MYO3B: variants seen among roughly 807,000 people sequenced by gnomAD.
MYO3B encodes the protein myosin IIIB.
In MYO3B, 156 loss-of-function variants were observed where a neutral mutation model predicts 174.6. The observed-to-expected ratio is 0.89, with a 90% CI of 0.78 to 1.02. MYO3B has a LOEUF of 1.02. Ranked by LOEUF, MYO3B falls within the 50% of genes least tolerant of loss-of-function variation. The pLI is 0.00. For synonymous variants in MYO3B, 563 were observed against 569.1 expected (o/e 0.99, Z 0.15); for missense variants, 1,632 against 1,639.4 (o/e 1.00, Z 0.08).
At chr2:170,228,960 CAA>C (rs539746576) in intron 6 of MYO3B, among the ~76,000 whole-genome samples, 29,637 of 97,746 alleles carry the variant, frequency 0.3, 1,787 homozygotes, top group South Asian at 0.45. Flanking sequence ...ATTCCCTTTA[CAA>C]AAAAAAAAAA....
At chr2:170,433,505 GTTC>G (rs777877605) in intron 22 of MYO3B, among the ~76,000 whole-genome samples, 2 of 152,230 alleles carry the variant, frequency 1.3e-5, no homozygotes, top group Admixed American at 1.3e-4. Context: ...CTGGGCAAGT[GTTC>G]TTCTGAGAAT....
At chr2:170,591,565 A>G (rs72881895) in intron 32 of MYO3B, among the ~76,000 whole-genome samples, 14,275 of 150,010 alleles carry the variant, frequency 0.095, 942 homozygotes, top group Non-Finnish European at 0.13. Context: ...GGGAGGGTGC[A>G]GCAGAGCAGG....
chr2:170,548,665 C>A (rs1690693693), intron 32 of MYO3B, among the ~76,000 whole-genome samples: 1 of 152,112 alleles, frequency 6.6e-6, no homozygotes, highest in African/African-American at 2.4e-5. Flanking sequence ...TCTCTCAAAC[C>A]TAAAATTACC....
intron 7 of MYO3B, among the ~76,000 whole-genome samples, chr2:170,256,824 A>G (rs2093308687): frequency 6.6e-6 from 1 of 152,156 alleles, no homozygotes; most frequent in South Asian, 2.1e-4. Flanking sequence ...GTTGAATAAT[A>G]AAACAAGACC....
At chr2:170,619,896 G>A (rs564942366) in intron 32 of MYO3B, among the ~76,000 whole-genome samples, 6 of 151,430 alleles carry the variant, frequency 4.0e-5, no homozygotes, top group East Asian at 1.9e-4. Context: ...ACAGGCATGC[G>A]CCACCATGCC....
At position 170,466,520 on chromosome 2, in the gene MYO3B, C is replaced by T; in HGVS notation, c.2823C>T (p.Asp941=). 6.2e-7 allele frequency: 1 copy of T among 1,614,108 alleles called. No homozygotes were observed. The highest frequency in any genetic ancestry group is 8.5e-7 in the Non-Finnish European group (1 of 1,180,026). ...VASYFRYSLM[D]LLSKMVVGQP... ...CTCCCTGGTAGTATTCTCTGATGGACCTGCTCTCCAAAATGGTGGTTGGAC... is the reference window on the plus strand; with the variant it reads ...CTCCCTGGTAGTATTCTCTGATGGATCTGCTCTCCAAAATGGTGGTTGGAC... Residue 941 remains aspartate, a synonymous_variant, in exon 25 of 35, where the codon GAC becomes GAT. Coordinates refer to ENST00000408978, the MANE Select transcript of MYO3B (RefSeq NM_138995.5).
Position 170,539,627 on chromosome 2 carries a change from T to A in MYO3B, c.3576-3279T>A, listed in dbSNP as rs35618502. 8.5e-3 allele frequency among the ~76,000 whole-genome samples: 714 copies of A among 84,162 alleles called. 4 individuals carry two copies. Among genetic ancestry groups the A allele is most frequent in the Non-Finnish European group, 0.011 (530 of 46,622 alleles). 55.2% of individuals were successfully genotyped at this position (84,162 alleles called of 152,430 possible). ...AATAATTCTTTTTATTTATTTATTT[T>A]TTTTTTTTTGAGATAGGGTCTCACT... On this transcript the variant is annotated intron_variant, in intron 30 of 34. Transcript: ENST00000408978.
At chr2:170,377,366 C>G (rs763861959) in intron 9 of MYO3B, among the ~76,000 whole-genome samples, 1 of 152,188 alleles carries the variant, frequency 6.6e-6, no homozygotes, top group Non-Finnish European at 1.5e-5. Flanking sequence ...AACAAAGACC[C>G]CCATCCTCTA....
chr2:170,428,102 A>G (rs1475859189), intron 22 of MYO3B, among the ~76,000 whole-genome samples: 1 of 152,250 alleles, frequency 6.6e-6, no homozygotes, highest in African/African-American at 2.4e-5. Context: ...ATATTAAAAA[A>G]TTAGAGAACT....
rs1264995047 is a variant in MYO3B, at chr2:170,369,342, A to C, written c.936A>C (p.Gln312His). ...FLQKQLAKVL[Q>H]DQKHQNPVAK... ...AAAAACAGCTGGCCAAGGTTCTCCAAGACCAGAAGCATCAAAATCCTGTTG... is the reference window on the plus strand; with the variant it reads ...AAAAACAGCTGGCCAAGGTTCTCCACGACCAGAAGCATCAAAATCCTGTTG... Residue 312 changes from glutamine to histidine, a missense_variant, in exon 9 of 35, where the codon CAA (glutamine) becomes CAC (histidine). Physicochemically the swap from Gln to His is conservative, Grantham distance 24. Coordinates refer to ENST00000408978, the MANE Select transcript of MYO3B (RefSeq NM_138995.5). 1 of 1,613,508 alleles carries C rather than the reference A, an allele frequency of 6.2e-7. No individual in the cohort carries two copies. Among genetic ancestry groups the C allele is most frequent in the South Asian group, 1.1e-5 (1 of 90,974 alleles).
chr2:170,648,292 T>C (rs1698535104), intron 32 of MYO3B, among the ~76,000 whole-genome samples: 1 of 152,170 alleles, frequency 6.6e-6, no homozygotes, highest in African/African-American at 2.4e-5. Flanking sequence ...GTTAAGGCTG[T>C]TGGACCTTCT....
At chr2:170,555,437 C>T (rs1347369559) in intron 32 of MYO3B, among the ~76,000 whole-genome samples, 1 of 152,196 alleles carries the variant, frequency 6.6e-6, no homozygotes, top group Non-Finnish European at 1.5e-5. Flanking sequence ...CCCCACAAGC[C>T]CCTGGCAACC....
intron 18 of MYO3B, 151 bp from the exon 19 acceptor site, chr2:170,402,697 C>T (rs897658074): frequency 2.3e-6 from 1 of 433,786 alleles, no homozygotes; most frequent in Admixed American, 4.1e-5. Context: ...GAGACATAAA[C>T]TGCTTCTTTT....
chr2:170,235,255 A>G (rs2093057709), intron 6 of MYO3B, among the ~76,000 whole-genome samples: 1 of 152,200 alleles, frequency 6.6e-6, no homozygotes, highest in Non-Finnish European at 1.5e-5. Flanking sequence ...TCCTATCGCC[A>G]TTGTGATAGT....
intron 1 of MYO3B, among the ~76,000 whole-genome samples, chr2:170,179,702 G>A (rs1201289628): frequency 6.6e-6 from 1 of 152,146 alleles, no homozygotes; most frequent in Non-Finnish European, 1.5e-5. Flanking sequence ...CCAGAACCAT[G>A]AGCCAAATAA....
At chr2:170,199,156 C>T (rs1442982426) in intron 1 of MYO3B, 52 bp from the exon 2 acceptor site, 10 of 1,263,240 alleles carry the variant, frequency 7.9e-6, no homozygotes, top group Admixed American at 7.6e-5. Context: ...CAAAAGTCCA[C>T]TGCCCCCAGT....
intron 19 of MYO3B, among the ~76,000 whole-genome samples, chr2:170,403,483 T>A (rs1418399493): frequency 6.6e-6 from 1 of 151,898 alleles, no homozygotes; most frequent in African/African-American, 2.4e-5. Flanking sequence ...CCTCTATGAG[T>A]TTAATAATAA....
At chr2:170,542,800 A>G in intron 30 of MYO3B, 106 bp from the exon 31 acceptor site, 2 of 868,862 alleles carry the variant, frequency 2.3e-6, no homozygotes, top group South Asian at 2.1e-5. Context: ...CCATGGAAGC[A>G]TAAAAAGTAT....
intron 25 of MYO3B, among the ~76,000 whole-genome samples, chr2:170,473,139 C>CTTTTTTTTTTTTTTTTTTTTTTTT (rs66837903): frequency 6.1e-4 from 59 of 96,442 alleles, no homozygotes; most frequent in Non-Finnish European, 9.2e-4. Context: ...TTTTTCTTTT[C>CTTTTTTTTTTTTTTTTTTTTTTTT]TTTTTTTTTT....
Sources: allele counts gnomAD v4.1 joint callset (sites outside exome capture counted in the v4.1 genomes callset), GRCh38; gene constraint gnomAD v4.1.1; transcripts MANE v1.5; gene names NCBI Gene and HGNC (gene_info 2026-07-23, HGNC 2026-07-21).